The following SNAP47 variants were observed in gnomAD, a reference collection of about 807,000 sequenced individuals.
SNAP47 encodes synaptosomal-associated protein 47.
SNAP47 carries 20 observed loss-of-function variants against 31.4 expected under a neutral mutation model. That is an observed-to-expected ratio of 0.64 (90% CI 0.45 to 0.93). SNAP47 has a LOEUF of 0.93. SNAP47 is among the 40% of genes least tolerant of loss of function. The probability of loss-of-function intolerance (pLI) is 0.00; values close to 1 mark genes in which losing one functional copy is unlikely to be tolerated. For missense variants in SNAP47, 492 were observed against 528.5 expected, an observed-to-expected ratio of 0.93 and a Z score of 0.68; for synonymous variants, 194 against 213.4, an observed-to-expected ratio of 0.91 and a Z score of 0.79.
Position 227,747,934 on chromosome 1 carries a change from C to T in SNAP47, c.198C>T (p.Ser66=). 1 of 1,614,224 alleles carries T rather than the reference C, an allele frequency of 6.2e-7. No individual in the cohort carries two copies. Among genetic ancestry groups the T allele is most frequent in the Non-Finnish European group, 8.5e-7 (1 of 1,180,032 alleles). ...AGGAGGCTTCACATTTTATCTTCAG[C>T]TCCATCACCATCCTGGAGAAGGGCC... ...IKKEASHFIF[S]SITILEKGHA... is the part of the protein sequence containing the mutation. The change falls in exon 2 of 5, where the codon AGC becomes AGT. Residue 66 remains serine (S), a synonymous_variant. Coordinates refer to ENST00000617596, the MANE Select transcript of SNAP47 (RefSeq NM_053052.4).
chr1:227,767,621 A>G (rs1373330015), intron 4 of SNAP47, among the ~76,000 whole-genome samples: 2 of 152,002 alleles, frequency 1.3e-5, no homozygotes, highest in Non-Finnish European at 2.9e-5. Context: ...TGCATGTACT[A>G]TGCATGTATA....
chr1:227,775,099 T>G (rs948358264), intron 4 of SNAP47, among the ~76,000 whole-genome samples: 1 of 152,164 alleles, frequency 6.6e-6, no homozygotes, highest in Non-Finnish European at 1.5e-5. Flanking sequence ...CCCCGGCTAG[T>G]GCACAGACCA....
intron 2 of SNAP47, among the ~76,000 whole-genome samples, chr1:227,749,935 T>C (rs1224881245): frequency 6.6e-6 from 1 of 152,270 alleles, no homozygotes; most frequent in Non-Finnish European, 1.5e-5. Flanking sequence ...TTTCTCGTTT[T>C]GTGATTGTTC....
chr1:227,769,453 A>G (rs553049688), intron 4 of SNAP47, among the ~76,000 whole-genome samples: 1 of 152,060 alleles, frequency 6.6e-6, no homozygotes, highest in Non-Finnish European at 1.5e-5. Flanking sequence ...TTCCTAGTGC[A>G]CAGTTGAAGC....
chr1:227,738,752 C>G (rs1661400424), intron 1 of SNAP47, among the ~76,000 whole-genome samples: 1 of 152,146 alleles, frequency 6.6e-6, no homozygotes, highest in Admixed American at 6.5e-5. Flanking sequence ...ATAATTGTCT[C>G]AAGATCTTGG....
chr1:227,740,027 T>C (rs1005794583), intron 1 of SNAP47, among the ~76,000 whole-genome samples: 3 of 152,246 alleles, frequency 2.0e-5, no homozygotes, highest in Non-Finnish European at 2.9e-5. Flanking sequence ...CACAAATTCA[T>C]TGGGTGCCCA....
chr1:227,733,221 G>A, upstream of SNAP47: 1 of 847,814 alleles, frequency 1.2e-6, no homozygotes, highest in East Asian at 2.7e-5. Flanking sequence ...AGTGAACCCA[G>A]AGCAAGTAGA....
intron 1 of SNAP47, among the ~76,000 whole-genome samples, chr1:227,738,789 G>A (rs890453253): frequency 2.0e-5 from 3 of 152,144 alleles, no homozygotes; most frequent in African/African-American, 7.2e-5. Context: ...TGCCTCATGG[G>A]GAAACTGAAA....
intron 4 of SNAP47, among the ~76,000 whole-genome samples, chr1:227,771,208 G>A (rs1663780459): frequency 6.6e-6 from 1 of 152,226 alleles, no homozygotes; most frequent in African/African-American, 2.4e-5. Context: ...TCACGACACA[G>A]GCAGGAGGTC....
intron 2 of SNAP47, among the ~76,000 whole-genome samples, chr1:227,754,757 A>G (rs1054096841): frequency 1.3e-5 from 2 of 152,152 alleles, no homozygotes; most frequent in Non-Finnish European, 2.9e-5. Flanking sequence ...GGGAACACTG[A>G]GGAAATGAGG....
chr1:227,733,485 A>G, upstream of SNAP47: 3 of 1,594,602 alleles, frequency 1.9e-6, no homozygotes, highest in Non-Finnish European at 2.6e-6. Flanking sequence ...GTGATCTCCA[A>G]GGGTGGGCCA....
At chr1:227,760,584 G>C (rs1662998255) in intron 3 of SNAP47, among the ~76,000 whole-genome samples, 1 of 152,218 alleles carries the variant, frequency 6.6e-6, no homozygotes, top group South Asian at 2.1e-4. Context: ...CCTAGCACAG[G>C]ACCGAGGCTT....
At chr1:227,753,395 C>G (rs1662500729) in intron 2 of SNAP47, among the ~76,000 whole-genome samples, 1 of 152,208 alleles carries the variant, frequency 6.6e-6, no homozygotes. Flanking sequence ...ACCACATACT[C>G]TGCCCTTGGG....
chr1:227,760,435 A>G (rs1454299070), intron 3 of SNAP47, among the ~76,000 whole-genome samples: 1 of 152,154 alleles, frequency 6.6e-6, no homozygotes, highest in Non-Finnish European at 1.5e-5. Flanking sequence ...GCATTCTCAG[A>G]TGTGTGTGGA....
chr1:227,732,477 C>G (rs776156130), upstream of SNAP47: 1 of 1,613,338 alleles, frequency 6.2e-7, no homozygotes, highest in Non-Finnish European at 8.5e-7. Context: ...GGTGTCCACT[C>G]TCTGGAAGTC....
chr1:227,733,977 G>A (rs769653366), upstream of SNAP47: 2 of 1,613,948 alleles, frequency 1.2e-6, no homozygotes, highest in East Asian at 4.5e-5. Context: ...AACTCATTCA[G>A]CCAGTCGGAC....
chr1:227,742,978 G>A (rs978616216), intron 1 of SNAP47, among the ~76,000 whole-genome samples: 2 of 152,212 alleles, frequency 1.3e-5, no homozygotes, highest in South Asian at 2.1e-4. Context: ...CTGGTGGGGA[G>A]TGGGTGGCCC....
At chr1:227,732,530 A>T (rs537728112), upstream of SNAP47, 1 of 1,613,398 alleles carries the variant, frequency 6.2e-7, no homozygotes, top group African/African-American at 1.3e-5. Flanking sequence ...TGATGCGCCC[A>T]ACATCAAAGG....
chr1:227,765,775 C>G (rs573913077), intron 3 of SNAP47, among the ~76,000 whole-genome samples: 1 of 152,288 alleles, frequency 6.6e-6, no homozygotes, highest in South Asian at 2.1e-4. Flanking sequence ...TGGAGCTGCT[C>G]CCTCTTTAGG....
Sources: gnomAD v4.1 joint callset for allele counts (sites outside exome capture counted in the v4.1 genomes callset) on GRCh38, gnomAD v4.1.1 for gene constraint, MANE v1.5 for transcripts, NCBI Gene and HGNC (gene_info 2026-07-23, HGNC 2026-07-21) for gene names.